Variants in AOPEP observed in about 807,000 individuals in gnomAD.
AOPEP encodes aminopeptidase O (putative).
AOPEP carries 77 observed loss-of-function variants against 98.1 expected under a neutral mutation model. The ratio of observed to expected loss-of-function variants is 0.78; its 90% CI spans 0.65 to 0.95. The LOEUF is 0.95. Among genes scored for constraint, AOPEP ranks in the 40% least tolerant of loss-of-function variants. The probability of loss-of-function intolerance (pLI) is 0.00; values close to 1 mark genes in which losing one functional copy is unlikely to be tolerated. For missense variants in AOPEP, 1,024 were observed against 1,024.7 expected (o/e 1.00, Z 0.01); for synonymous variants, 346 against 365.3 (o/e 0.95, Z 0.60).
At chr9:94,976,654 C>CTTT (rs778133412) in intron 10 of AOPEP, among the ~76,000 whole-genome samples, 4 of 136,252 alleles carry the variant, frequency 2.9e-5, no homozygotes, top group Non-Finnish European at 4.8e-5. Context: ...AAGACAGCCT[C>CTTT]TTTTTTTTTT....
the AOPEP span, among the ~76,000 whole-genome samples, chr9:95,124,174 G>A: frequency 0.042 from 6,313 of 151,486 alleles, 199 homozygotes; most frequent in Non-Finnish European, 0.054. Flanking sequence ...TGACGTTGGC[G>A]GGGGGTGTGA....
the AOPEP span, among the ~76,000 whole-genome samples, chr9:95,144,838 A>G: frequency 6.6e-6 from 1 of 152,176 alleles, no homozygotes; most frequent in Admixed American, 6.5e-5. Flanking sequence ...CACTGTAAGG[A>G]AAGAATCGAG....
At chr9:94,915,532 C>A (rs965075805) in intron 5 of AOPEP, among the ~76,000 whole-genome samples, 1 of 151,810 alleles carries the variant, frequency 6.6e-6, no homozygotes, top group Non-Finnish European at 1.5e-5. Flanking sequence ...TCCACCCCGA[C>A]GTCCTGCTGC....
intron 5 of AOPEP, among the ~76,000 whole-genome samples, chr9:94,806,473 A>G (rs1043243838): frequency 6.6e-6 from 1 of 152,124 alleles, no homozygotes; most frequent in African/African-American, 2.4e-5. Flanking sequence ...TTTACTGGCA[A>G]CCCTGCTGTT....
intron 5 of AOPEP, among the ~76,000 whole-genome samples, chr9:94,911,117 C>A (rs368250158): frequency 2.2e-4 from 34 of 152,270 alleles, no homozygotes; most frequent in African/African-American, 7.2e-4. Flanking sequence ...GACCCCAGTA[C>A]CTCAGTCCTG....
chr9:94,768,349 C>CA lies in AOPEP; in HGVS notation c.798-4644dup, dbSNP rs111818606. On this transcript the variant is annotated intron_variant, in intron 2 of 16. Transcript: ENST00000375315. ...TAGTGGAACTTAAAACATTTTTAAACAAAAAAAAACCCCTTTTTCTCCTGG... is the reference window on the plus strand; with the variant it reads ...TAGTGGAACTTAAAACATTTTTAAACAAAAAAAAAACCCCTTTTTCTCCTGG... Among the ~76,000 whole-genome samples the CA allele has an allele frequency of 2.5e-4, 38 of 150,602 alleles. 1 individual carries two copies. Among genetic ancestry groups the CA allele is most frequent in the Admixed American group, 1.1e-3 (16 of 15,118 alleles).
intron 5 of AOPEP, among the ~76,000 whole-genome samples, chr9:94,875,110 C>G (rs1053992134): frequency 6.6e-6 from 1 of 151,866 alleles, no homozygotes; most frequent in Non-Finnish European, 1.5e-5. Context: ...AAGATTTAGC[C>G]TTATCTTTCC....
intron 5 of AOPEP, among the ~76,000 whole-genome samples, chr9:94,910,876 A>G (rs1244483942): frequency 1.3e-5 from 2 of 152,148 alleles, no homozygotes; most frequent in African/African-American, 4.8e-5. Flanking sequence ...ATGTAGTTCA[A>G]CTTAAAGGTC....
At chr9:95,114,498 A>T in the AOPEP span, 1 of 858,560 alleles carries the variant, frequency 1.2e-6, no homozygotes, top group Non-Finnish European at 2.0e-6. Context: ...TCACTTCACC[A>T]TGGTGCTCAC....
intron 3 of AOPEP, among the ~76,000 whole-genome samples, chr9:94,781,927 C>A (rs558556158): frequency 6.6e-6 from 1 of 151,322 alleles, no homozygotes; most frequent in Non-Finnish European, 1.5e-5. Context: ...TGCCATGGCT[C>A]ACACCTGTAA....
intron 5 of AOPEP, among the ~76,000 whole-genome samples, chr9:94,838,958 T>C (rs2041954439): frequency 7.2e-6 from 1 of 138,076 alleles, no homozygotes; most frequent in Non-Finnish European, 1.5e-5. Flanking sequence ...TGTGCCAGGC[T>C]GGAGTGCAGT....
chr9:94,829,693 T>C (rs1855518920), intron 5 of AOPEP, among the ~76,000 whole-genome samples: 1 of 149,944 alleles, frequency 6.7e-6, no homozygotes, highest in African/African-American at 2.5e-5. Context: ...GTCAGATATG[T>C]TCACCCTGGC....
At chr9:94,744,012 C>G (rs1833857477) in intron 1 of AOPEP, among the ~76,000 whole-genome samples, 3 of 152,078 alleles carry the variant, frequency 2.0e-5, no homozygotes, top group Non-Finnish European at 2.9e-5. Context: ...CTAGTCCACA[C>G]TCGGTAAAAA....
At chr9:94,977,637 G>A (rs1029043155) in intron 10 of AOPEP, among the ~76,000 whole-genome samples, 3 of 152,066 alleles carry the variant, frequency 2.0e-5, no homozygotes, top group Non-Finnish European at 4.4e-5. Flanking sequence ...CCATGCATGC[G>A]CACACTCCCA....
chr9:95,117,494 C>T, the AOPEP span: 2 of 819,450 alleles, frequency 2.4e-6, no homozygotes, highest in Non-Finnish European at 4.2e-6. Context: ...CCCACCAGTA[C>T]TAACATGGTC....
At position 94,759,912 on chromosome 9, in the gene AOPEP, A is replaced by AG. The variant is rs773125419; in HGVS notation, c.130dup (p.Val44GlyfsTer15). On this transcript the variant is annotated frameshift_variant, in exon 2 of 17. Coordinates refer to ENST00000375315, the MANE Select transcript of AOPEP (RefSeq NM_001193329.3). LOFTEE classifies it high-confidence loss of function. ...AAAGTCAAGTCATTGAGGGGACCAT[A>AG]GTGCTTTTCCTCGAGGATGGAAACA... is the stretch of plus-strand genomic sequence containing the variant. 6.2e-7 allele frequency: 1 copy of AG among 1,614,172 alleles called. No homozygotes were observed. Among genetic ancestry groups the AG allele is most frequent in the South Asian group, 1.1e-5 (1 of 91,084 alleles).
intron 7 of AOPEP, among the ~76,000 whole-genome samples, chr9:94,929,365 T>C (rs1199857142): frequency 1.3e-5 from 2 of 152,246 alleles, no homozygotes; most frequent in Non-Finnish European, 2.9e-5. Context: ...CTGTTGTTGT[T>C]TGTTTTTAAA....
At chr9:95,035,671 A>G (rs899189448) in intron 13 of AOPEP, among the ~76,000 whole-genome samples, 2 of 151,638 alleles carry the variant, frequency 1.3e-5, no homozygotes, top group African/African-American at 2.4e-5. Flanking sequence ...GGCATGCACC[A>G]CCATGCCCGG....
intron 10 of AOPEP, among the ~76,000 whole-genome samples, chr9:94,974,979 T>A (rs2059751185): frequency 6.6e-6 from 1 of 152,168 alleles, no homozygotes; most frequent in African/African-American, 2.4e-5. Context: ...GGTTCATGCC[T>A]GTAATCCCAG....
Sources: gnomAD v4.1 joint callset for allele counts (sites outside exome capture counted in the v4.1 genomes callset) on GRCh38, gnomAD v4.1.1 for gene constraint, MANE v1.5 for transcripts, NCBI Gene and HGNC (gene_info 2026-07-23, HGNC 2026-07-21) for gene names.